ACSL4: variants seen among roughly 807,000 people sequenced by gnomAD.
ACSL4 encodes long-chain-fatty-acid--CoA ligase 4.
In ACSL4, 9 loss-of-function variants were observed where a neutral mutation model predicts 49.1. The observed-to-expected ratio is 0.18, with a 90% CI of 0.11 to 0.32. The LOEUF (loss-of-function observed/expected upper bound fraction) is 0.32, where lower values mean the gene tolerates loss of function less well. Ranked by LOEUF, ACSL4 falls within the 10% of genes least tolerant of loss-of-function variation. The pLI is 1.00. For missense variants in ACSL4, 333 were observed against 493.7 expected (o/e 0.67, Z 3.08); for synonymous variants, 191 against 170.3 (o/e 1.12, Z -0.95).
intron 2 of ACSL4, among the ~76,000 whole-genome samples, chrX:109,690,392 GAACTTTACC>G (rs1181687573): frequency 8.9e-6 from 1 of 111,890 alleles, no homozygotes. Flanking sequence ...TGCTCCTGTT[GAACTTTACC>G]ATTCCATATG....
At chrX:109,662,079 T>TAC (rs1212933119) in intron 13 of ACSL4, among the ~76,000 whole-genome samples, 1 of 111,570 alleles carries the variant, frequency 9.0e-6, no homozygotes, top group African/African-American at 3.3e-5. Context: ...TAATGATGCC[T>TAC]ACCTCATACA....
At chrX:109,688,823 CTTTTT>C (rs372048467) in intron 2 of ACSL4, among the ~76,000 whole-genome samples, 2 of 103,180 alleles carry the variant, frequency 1.9e-5, no homozygotes, top group Admixed American at 1.1e-4. Flanking sequence ...CCTTTTCAGT[CTTTTT>C]TTTTTTTTCT....
chrX:109,676,608 TC>T (rs984690086), intron 8 of ACSL4, among the ~76,000 whole-genome samples: 1 of 111,097 alleles, frequency 9.0e-6, no homozygotes, highest in Non-Finnish European at 1.9e-5. Flanking sequence ...TTTTTTTTTT[TC>T]CCCTAAGCCT....
At chrX:109,695,787 G>A (rs372617413) in intron 2 of ACSL4, 1 of 111,426 alleles carries the variant, frequency 9.0e-6, no homozygotes, top group Admixed American at 9.5e-5. Flanking sequence ...GAGATAATGA[G>A]AGACTAAGTA....
At chrX:109,708,454 AG>A (rs1298394153) in intron 1 of ACSL4, among the ~76,000 whole-genome samples, 1 of 112,379 alleles carries the variant, frequency 8.9e-6, no homozygotes, top group Non-Finnish European at 1.9e-5. Flanking sequence ...ATACTGTAAA[AG>A]GAGCTAAAAG....
At chrX:109,711,457 T>A (rs908997772) in intron 1 of ACSL4, among the ~76,000 whole-genome samples, 1 of 112,037 alleles carries the variant, frequency 8.9e-6, no homozygotes, top group Admixed American at 9.5e-5. Context: ...GGGCAAAATA[T>A]TTAACATCTT....
rs150857957 is a variant in ACSL4, at chrX:109,682,838, T to A, written c.287A>T (p.Asn96Ile). 8.3e-7 allele frequency: 1 copy of A among 1,209,947 alleles called. No homozygotes were observed. The highest frequency in any genetic ancestry group is 1.7e-5 in the African/African-American group (1 of 57,311). ...NYLEVNRRVN[N>I]FGSGLTALGL... The stretch of plus-strand genomic sequence containing the variant: ...CAGTGCAGTGAGTCCACTACCAAAG[T>A]TATTCACTCTGCGATTCACTTCAAG... Residue 96 changes from asparagine (N) to isoleucine (I), a missense_variant, in exon 4 of 16, where the codon AAC (asparagine) becomes ATC (isoleucine). Around this residue, in one of 3 missense-constraint regions of ACSL4, gnomAD observed 157 missense variants for 201.1 expected, o/e 0.78. Transcript: ENST00000672401.
chrX:109,726,046 T>A (rs2147556865), intron 1 of ACSL4, among the ~76,000 whole-genome samples: 1 of 111,968 alleles, frequency 8.9e-6, no homozygotes, highest in Admixed American at 9.5e-5. Context: ...CATTTGTAAA[T>A]TTTCAGTAAA....
intron 11 of ACSL4, among the ~76,000 whole-genome samples, chrX:109,667,618 G>A (rs1329380544): frequency 8.9e-6 from 1 of 112,271 alleles, no homozygotes; most frequent in Non-Finnish European, 1.9e-5. Context: ...TAAGGCGACC[G>A]GGCGTGGTGG....
chrX:109,668,664 C>T (rs182916365), intron 10 of ACSL4, among the ~76,000 whole-genome samples: 1 of 111,968 alleles, frequency 8.9e-6, no homozygotes, highest in African/African-American at 3.2e-5. Flanking sequence ...ATACTTACTA[C>T]ACTATTTTAT....
chrX:109,664,521 G>A (rs1383782405), intron 12 of ACSL4, among the ~76,000 whole-genome samples: 1 of 111,868 alleles, frequency 8.9e-6, no homozygotes, highest in Non-Finnish European at 1.9e-5. Flanking sequence ...TCTTGGGAAT[G>A]CAACTGGCTT....
chrX:109,690,803 T>C (rs1442146648), intron 2 of ACSL4, among the ~76,000 whole-genome samples: 1 of 109,819 alleles, frequency 9.1e-6, no homozygotes, highest in Non-Finnish European at 1.9e-5. Flanking sequence ...CTAGAAGTTT[T>C]AGTGAAAAAT....
chrX:109,687,155 T>C (rs1202349269), intron 2 of ACSL4, among the ~76,000 whole-genome samples: 2 of 111,851 alleles, frequency 1.8e-5, no homozygotes, highest in Non-Finnish European at 3.8e-5. Flanking sequence ...CTCTGCCCAG[T>C]TTTGCCTATC....
intron 1 of ACSL4, among the ~76,000 whole-genome samples, chrX:109,701,370 C>T (rs1173672953): frequency 1.9e-5 from 2 of 107,233 alleles, no homozygotes; most frequent in African/African-American, 3.4e-5. Flanking sequence ...GTGTGCACCA[C>T]AGCACGCCGC....
chrX:109,697,830 CATAGAT>C (rs1172446297), intron 1 of ACSL4, among the ~76,000 whole-genome samples: 1 of 107,081 alleles, frequency 9.3e-6, no homozygotes, highest in Non-Finnish European at 1.9e-5. Flanking sequence ...ACATTTCCCC[CATAGAT>C]AATTCCAGTA....
chrX:109,716,448 A>T (rs766147623), intron 1 of ACSL4, among the ~76,000 whole-genome samples: 18 of 112,421 alleles, frequency 1.6e-4, no homozygotes, highest in African/African-American at 5.5e-4. Flanking sequence ...AAAGGATGAA[A>T]GTGAGGTTCT....
At chrX:109,660,302 G>A (rs1199607427) in intron 14 of ACSL4, among the ~76,000 whole-genome samples, 2 of 111,507 alleles carry the variant, frequency 1.8e-5, no homozygotes, top group African/African-American at 6.5e-5. Flanking sequence ...TTTCTCCAGC[G>A]ATAATATATG....
At chrX:109,684,127 C>T (rs981669002) in intron 2 of ACSL4, among the ~76,000 whole-genome samples, 8 of 111,737 alleles carry the variant, frequency 7.2e-5, no homozygotes, top group African/African-American at 2.6e-4. Context: ...GGGGCAGAAA[C>T]TATCAACTTA....
Position 109,661,254 on chromosome X carries a change from T to C in ACSL4, c.1697+277A>G, listed in dbSNP as rs142461467. ...GTTACATTTTTGGGAAAATTACTTATACTAAGTCTCAGTTGTCATGGATGT... is the reference window on the plus strand; with the variant it reads ...GTTACATTTTTGGGAAAATTACTTACACTAAGTCTCAGTTGTCATGGATGT... On this transcript the variant is annotated intron_variant, in intron 14 of 15. Coordinates refer to ENST00000672401, the MANE Select transcript of ACSL4 (RefSeq NM_001318510.2). Among the ~76,000 whole-genome samples, 1,024 of 111,987 alleles carry C rather than the reference T, an allele frequency of 9.1e-3. 9 individuals are homozygous for C. Among genetic ancestry groups the C allele is most frequent in the African/African-American group, 0.031 (973 of 30,936 alleles).
Sources: allele counts gnomAD v4.1 joint callset (sites outside exome capture counted in the v4.1 genomes callset), GRCh38; gene constraint gnomAD v4.1.1; regional missense constraint gnomAD v4.1.1; transcripts MANE v1.5; gene names NCBI Gene and HGNC (gene_info 2026-07-23, HGNC 2026-07-21).